FANCB: variants seen among roughly 807,000 people sequenced by gnomAD.
FANCB encodes Fanconi anemia group B protein.
Under a neutral mutation model 38.9 loss-of-function variants are expected in FANCB, and 5 were observed. That is an observed-to-expected ratio of 0.13 (90% CI 0.07 to 0.27). FANCB has a LOEUF of 0.27. FANCB is among the 10% of genes least tolerant of loss of function. The probability of loss-of-function intolerance (pLI) is 1.00; values close to 1 mark genes in which losing one functional copy is unlikely to be tolerated. For synonymous variants in FANCB, 236 were observed against 215.4 expected (o/e 1.10, Z -0.84); for missense variants, 573 against 602.7 (o/e 0.95, Z 0.52).
intron 5 of FANCB, among the ~76,000 whole-genome samples, chrX:14,855,741 T>C (rs1478777880): frequency 1.8e-5 from 2 of 111,987 alleles, no homozygotes; most frequent in Non-Finnish European, 3.8e-5. Context: ...AAATTACTTG[T>C]GAGATTTATG....
At chrX:14,775,158 ATGTTTTT>A in the FANCB span, among the ~76,000 whole-genome samples, 8 of 28,476 alleles carry the variant, frequency 2.8e-4, no homozygotes, top group Admixed American at 1.3e-3. Context: ...TATTTCTCTA[ATGTTTTT>A]TTTTTTTTTT....
At chrX:14,835,900 G>A (rs2092340036), downstream of FANCB, 1 of 112,250 alleles carries the variant, frequency 8.9e-6, no homozygotes, top group Non-Finnish European at 1.9e-5. Flanking sequence ...ATTACCATAT[G>A]ATCTAGCAAT....
At chrX:14,712,223 T>C in the FANCB span, among the ~76,000 whole-genome samples, 1 of 112,508 alleles carries the variant, frequency 8.9e-6, no homozygotes, top group Non-Finnish European at 1.9e-5. Context: ...AATTCATGCT[T>C]TGTGGTGGGG....
At chrX:14,801,523 T>C in the FANCB span, among the ~76,000 whole-genome samples, 2 of 112,101 alleles carry the variant, frequency 1.8e-5, no homozygotes, top group African/African-American at 6.5e-5. Flanking sequence ...CAGATTTTTC[T>C]TAAAAAACAA....
chrX:14,787,250 G>GA, the FANCB span, among the ~76,000 whole-genome samples: 1 of 109,776 alleles, frequency 9.1e-6, no homozygotes, highest in African/African-American at 3.3e-5. Context: ...AAAGAACAAA[G>GA]AAAAAAAAGC....
the FANCB span, among the ~76,000 whole-genome samples, chrX:14,808,545 G>A: frequency 8.9e-6 from 1 of 111,746 alleles, no homozygotes; most frequent in Non-Finnish European, 1.9e-5. Context: ...AAAAAACTGG[G>A]TATAGAAGGA....
the FANCB span, among the ~76,000 whole-genome samples, chrX:14,821,525 T>C: frequency 8.9e-6 from 1 of 112,146 alleles, no homozygotes; most frequent in Non-Finnish European, 1.9e-5. Context: ...AGCTGACAAA[T>C]AGTTAAGACA....
chrX:14,812,717 G>A, the FANCB span, among the ~76,000 whole-genome samples: 19 of 109,305 alleles, frequency 1.7e-4, no homozygotes, highest in East Asian at 2.8e-4. Context: ...AGGATTCACT[G>A]CCGAATTCTA....
rs1289449961 is a variant in FANCB, at chrX:14,865,477, G to T, written c.34C>A (p.Gln12Lys). ...CCATTATAACACAAGAGCCTTTCTT[G>T]TTCGTTAGATGACATTGCTTGTTTG... is the stretch of plus-strand genomic sequence containing the variant. ...TSKQAMSSNE[Q>K]ERLLCYNGEV... Residue 12 changes from glutamine (Q) to lysine (K), a missense_variant, in exon 3 of 10, where the codon CAA (glutamine) becomes AAA (lysine). Physicochemically the swap from Gln to Lys is moderately conservative, Grantham distance 53. Coordinates refer to ENST00000650831, the MANE Select transcript of FANCB (RefSeq NM_001018113.3). 8.3e-7 allele frequency: 1 copy of T among 1,206,072 alleles called. No homozygotes were observed. The highest frequency in any genetic ancestry group is 1.1e-6 in the Non-Finnish European group (1 of 892,351).
intron 9 of FANCB, among the ~76,000 whole-genome samples, chrX:14,844,197 T>C (rs898388390): frequency 1.8e-5 from 2 of 110,341 alleles, no homozygotes; most frequent in Admixed American, 9.6e-5. Flanking sequence ...TTGTTTCCAA[T>C]TAAAATTTTT....
At chrX:14,749,657 C>T in the FANCB span, among the ~76,000 whole-genome samples, 1 of 111,852 alleles carries the variant, frequency 8.9e-6, no homozygotes, top group African/African-American at 3.3e-5. Flanking sequence ...AACATCTTAT[C>T]ATAATTGGTT....
Position 14,853,176 on chromosome X carries a change from T to C in FANCB, c.1198-9A>G. The C allele has an allele frequency of 8.3e-7, 1 of 1,200,850 alleles. No homozygotes were observed. Among genetic ancestry groups the C allele is most frequent in the Non-Finnish European group, 1.1e-6 (1 of 887,191 alleles). ...AAAGAAGAAAAACAAACCTGTAAAG[T>C]AGAAAGAAAAATAGTGGCAAGAAAC... On this transcript the variant is annotated splice_polypyrimidine_tract_variant and intron_variant, in intron 5 of 9. Transcript: ENST00000650831.
At chrX:14,822,293 T>C in the FANCB span, among the ~76,000 whole-genome samples, 1 of 110,266 alleles carries the variant, frequency 9.1e-6, no homozygotes, top group African/African-American at 3.3e-5. Context: ...CCAACTCTGC[T>C]TGATTGCCTG....
the FANCB span, chrX:14,731,761 G>GTTAT: frequency 3.6e-5 from 4 of 111,798 alleles, no homozygotes; most frequent in Admixed American, 9.5e-5. Context: ...TGTACAAGGG[G>GTTAT]TTATTTTAAA....
chrX:14,741,702 T>TA, the FANCB span, among the ~76,000 whole-genome samples: 1 of 111,926 alleles, frequency 8.9e-6, no homozygotes, highest in African/African-American at 3.3e-5. Context: ...TTCAAAAGGA[T>TA]AAAATCATGA....
the FANCB span, among the ~76,000 whole-genome samples, chrX:14,781,732 A>G: frequency 8.9e-6 from 1 of 112,332 alleles, no homozygotes; most frequent in Non-Finnish European, 1.9e-5. Context: ...CCATGGGGAT[A>G]TGGCACAAGG....
the FANCB span, among the ~76,000 whole-genome samples, chrX:14,816,536 G>T: frequency 9.0e-6 from 1 of 111,711 alleles, no homozygotes; most frequent in Non-Finnish European, 1.9e-5. Context: ...CTATCATAGG[G>T]TTTCTCAACC....
the FANCB span, among the ~76,000 whole-genome samples, chrX:14,798,805 A>G: frequency 8.9e-6 from 1 of 111,863 alleles, no homozygotes; most frequent in East Asian, 2.8e-4. Flanking sequence ...ACCAATTTAG[A>G]TACTGATGTA....
At chrX:14,852,808 T>C (rs1196555625) in intron 6 of FANCB, among the ~76,000 whole-genome samples, 1 of 112,088 alleles carries the variant, frequency 8.9e-6, no homozygotes, top group African/African-American at 3.2e-5. Flanking sequence ...TCCTGATAAC[T>C]GAAATTTTAA....
Sources: gnomAD v4.1 joint callset for allele counts (sites outside exome capture counted in the v4.1 genomes callset) on GRCh38, gnomAD v4.1.1 for gene constraint, MANE v1.5 for transcripts, NCBI Gene and HGNC (gene_info 2026-07-23, HGNC 2026-07-21) for gene names.